The following PDE7A variants were observed in gnomAD, a reference collection of about 807,000 sequenced individuals.
The protein encoded by PDE7A is phosphodiesterase 7A.
In PDE7A, 39 loss-of-function variants were observed where a neutral mutation model predicts 64.3. The observed-to-expected ratio is 0.61, with a 90% CI of 0.47 to 0.79. The LOEUF is 0.79. Among genes scored for constraint, PDE7A ranks in the 30% least tolerant of loss-of-function variants. The pLI is 0.00. For missense variants in PDE7A, 470 were observed against 582.8 expected, an observed-to-expected ratio of 0.81 and a Z score of 1.99; for synonymous variants, 203 against 206.8, an observed-to-expected ratio of 0.98 and a Z score of 0.16.
intron 4 of PDE7A, among the ~76,000 whole-genome samples, 160 bp from the exon 5 acceptor site, chr8:65,745,630 CA>C (rs1807640226): frequency 6.6e-6 from 1 of 151,852 alleles, no homozygotes; most frequent in East Asian, 1.9e-4. Flanking sequence ...CAACTGGCTC[CA>C]AAAAAATGCC....
intron 7 of PDE7A, among the ~76,000 whole-genome samples, chr8:65,731,986 A>ATTG (rs59755336): frequency 2.2e-3 from 304 of 138,760 alleles, no homozygotes; most frequent in Middle Eastern, 7.4e-3. Context: ...TATTATTATT[A>ATTG]TTGTTGTTGT....
intron 3 of PDE7A, among the ~76,000 whole-genome samples, chr8:65,755,989 GT>G (rs1210108477): frequency 6.6e-6 from 1 of 152,174 alleles, no homozygotes; most frequent in East Asian, 1.9e-4. Context: ...CTGGAAATAT[GT>G]TAAACTCCCC....
At chr8:65,818,074 AT>A (rs1180805558) in intron 1 of PDE7A, among the ~76,000 whole-genome samples, 2 of 152,172 alleles carry the variant, frequency 1.3e-5, no homozygotes, top group Admixed American at 1.3e-4. Context: ...ATTTAAAAAA[AT>A]AATTTCTATA....
At chr8:65,773,705 T>C (rs1809177852) in intron 3 of PDE7A, among the ~76,000 whole-genome samples, 2 of 152,220 alleles carry the variant, frequency 1.3e-5, no homozygotes, top group South Asian at 2.1e-4. Flanking sequence ...AGATTTATTT[T>C]ATTTGCTCCT....
At chr8:65,820,591 G>A (rs1810518908) in intron 1 of PDE7A, among the ~76,000 whole-genome samples, 1 of 152,102 alleles carries the variant, frequency 6.6e-6, no homozygotes, top group East Asian at 1.9e-4. Context: ...AGTTGAAATT[G>A]TTTTTGTCTG....
intron 1 of PDE7A, among the ~76,000 whole-genome samples, chr8:65,809,622 C>G (rs1158193708): frequency 6.6e-6 from 1 of 152,136 alleles, no homozygotes; most frequent in Non-Finnish European, 1.5e-5. Context: ...AGGCTAATAT[C>G]CAGAATCTAC....
At chr8:65,739,677 G>A (rs992942581) in intron 5 of PDE7A, 80 bp from the exon 6 acceptor site, 9 of 1,263,324 alleles carry the variant, frequency 7.1e-6, no homozygotes, top group Non-Finnish European at 9.2e-6. Flanking sequence ...TACAGATTTT[G>A]AATATAAAAC....
chr8:65,827,088 G>A (rs897180220), intron 1 of PDE7A, among the ~76,000 whole-genome samples: 1 of 152,168 alleles, frequency 6.6e-6, no homozygotes, highest in South Asian at 2.1e-4. Flanking sequence ...GTCACATTCT[G>A]AGATTCCTGG....
chr8:65,817,506 C>T (rs564418220), intron 1 of PDE7A, among the ~76,000 whole-genome samples: 2 of 152,306 alleles, frequency 1.3e-5, no homozygotes, highest in East Asian at 1.9e-4. Flanking sequence ...ATTCAATACA[C>T]GATGCCACAT....
chr8:65,764,525 TGAA>T (rs1344690813), intron 3 of PDE7A, among the ~76,000 whole-genome samples: 2 of 152,150 alleles, frequency 1.3e-5, no homozygotes, highest in Non-Finnish European at 2.9e-5. Context: ...AATACTATAA[TGAA>T]GAAAGCTGCA....
chr8:65,758,634 C>A (rs1563492188), intron 3 of PDE7A, among the ~76,000 whole-genome samples: 1 of 152,184 alleles, frequency 6.6e-6, no homozygotes, highest in Non-Finnish European at 1.5e-5. Flanking sequence ...GACAGTGTTT[C>A]AATTGCCATT....
rs371563298 is a variant in PDE7A at position 65,734,784 on chromosome 8, A to T, written c.696+10T>A. On this transcript the variant is annotated intron_variant, in intron 7 of 12. Coordinates refer to ENST00000401827, the MANE Select transcript of PDE7A (RefSeq NM_001242318.3). ...ATGATTTTCACCTGAAATCAATGTC[A>T]ACCTCTTACCTTAGGTTCCTTTAAG... The T allele has an allele frequency of 2.7e-6, 4 of 1,473,822 alleles. 1 individual carries two copies. Among genetic ancestry groups the T allele is most frequent in the Non-Finnish European group, 1.9e-6 (2 of 1,054,858 alleles). 91.3% of individuals were successfully genotyped at this position (1,473,822 alleles called of 1,614,324 possible).
In PDE7A at chr8:65,841,963, G is replaced by GGCCGCCGCCGCCGCCGCC. The variant is rs376061587; in HGVS notation, c.-473_-456dup. ...GGACTCAGGAGCAGCGACCAGCTCG[G>GGCCGCCGCCGCCGCCGCC]GCCGCCGCCGCCGCCGCCGCCGCCG... On this transcript the variant is annotated 5_prime_UTR_variant, in exon 1 of 13. Transcript: ENST00000401827. The GGCCGCCGCCGCCGCCGCC allele has an allele frequency of 1.8e-3, 431 of 244,380 alleles. 4 individuals are homozygous for GGCCGCCGCCGCCGCCGCC. The highest frequency in any genetic ancestry group is 9.5e-3 in the African/African-American group (393 of 41,198). The allele number at this position is 244,380 out of a possible 1,614,324, so 15.1% of individuals were successfully genotyped here. A position where few individuals can be genotyped will look rare whatever the true frequency, so the allele number is the denominator to read the frequency against.
chr8:65,798,920 G>A (rs923159152), intron 1 of PDE7A, among the ~76,000 whole-genome samples: 5 of 152,070 alleles, frequency 3.3e-5, no homozygotes, highest in African/African-American at 7.2e-5. Context: ...ATAAGATAGG[G>A]CAAACTACTA....
intron 3 of PDE7A, among the ~76,000 whole-genome samples, chr8:65,770,528 T>C (rs949233136): frequency 1.3e-5 from 2 of 152,164 alleles, no homozygotes; most frequent in African/African-American, 4.8e-5. Context: ...CCAGAACACA[T>C]GGGAATTATG....
chr8:65,715,217 A>G lies in PDE7A; in HGVS notation c.*4073T>C, dbSNP rs1462315819. Among the ~76,000 whole-genome samples the G allele has an allele frequency of 6.6e-6, 1 of 152,144 alleles. No homozygotes were observed. ...TTCCTAAAATTTTTTAGAAAAAAAT[A>G]TTCCAGTAATATAGGTCGTATTTAA... On this transcript the variant is annotated 3_prime_UTR_variant, in exon 13 of 13. Transcript: ENST00000401827.
chr8:65,820,528 A>C lies in PDE7A; in HGVS notation c.138+20843T>G, dbSNP rs540905531. 3.0e-3 allele frequency among the ~76,000 whole-genome samples: 455 copies of C among 152,028 alleles called. 6 individuals carry two copies. Among genetic ancestry groups the C allele is most frequent in the Middle Eastern group, 0.02 (6 of 294 alleles). ...ATATTTGGTGGTTGAACTATTAATT[A>C]TTCTTTATCAAACTTTCAGTAATGT... is the stretch of plus-strand genomic sequence containing the variant. On this transcript the variant is annotated intron_variant, in intron 1 of 12. Coordinates refer to ENST00000401827, the MANE Select transcript of PDE7A (RefSeq NM_001242318.3).
At chr8:65,732,509 T>C (rs1806940714) in intron 7 of PDE7A, among the ~76,000 whole-genome samples, 1 of 152,092 alleles carries the variant, frequency 6.6e-6, no homozygotes, top group South Asian at 2.1e-4. Flanking sequence ...AGAGATACAA[T>C]CTTCAGGCAT....
intron 1 of PDE7A, among the ~76,000 whole-genome samples, chr8:65,821,631 A>AT (rs949259272): frequency 7.2e-5 from 11 of 152,208 alleles, no homozygotes; most frequent in African/African-American, 2.7e-4. Flanking sequence ...ATAAATGTTC[A>AT]TTTTTAGAGC....
Sources: allele counts gnomAD v4.1 joint callset (sites outside exome capture counted in the v4.1 genomes callset), GRCh38; gene constraint gnomAD v4.1.1; transcripts MANE v1.5; gene names NCBI Gene and HGNC (gene_info 2026-07-23, HGNC 2026-07-21).